Variants in NEAT1 observed in about 807,000 individuals in gnomAD.
The protein encoded by NEAT1 is nuclear paraspeckle assembly transcript 1, also known as MENepsilon/beta.
At chr11:65,438,273 G>A (rs1483852534) in exon 1 of NEAT1, 1 of 152,108 alleles carries the variant, frequency 6.6e-6, no homozygotes, top group African/African-American at 2.4e-5. Context: ...AGGGTGACTT[G>A]CTAATAGACA....
chr11:65,429,990 T>C (rs1856600186), exon 1 of NEAT1: 1 of 152,326 alleles, frequency 6.6e-6, no homozygotes, highest in African/African-American at 2.4e-5. Flanking sequence ...GGGCCCCTGG[T>C]TGTTGCTTGT....
chr11:65,444,086 G>A, exon 1 of NEAT1: 1 of 228,656 alleles, frequency 4.4e-6, no homozygotes. Flanking sequence ...ACCATAGTGT[G>A]TTTGGAGGCT....
At chr11:65,424,200 G>C (rs1856536952) in exon 1 of NEAT1, 1 of 152,236 alleles carries the variant, frequency 6.6e-6, no homozygotes, top group Admixed American at 6.5e-5. Flanking sequence ...CTTATGGGGG[G>C]CAATCTTAAA....
At chr11:65,439,959 C>G (rs1414546123) in exon 1 of NEAT1, 1 of 151,904 alleles carries the variant, frequency 6.6e-6, no homozygotes, top group Non-Finnish European at 1.5e-5. Context: ...CTAGATTGTT[C>G]AGAAGTTTTA....
At chr11:65,429,619 A>AT (rs1156245340) in exon 1 of NEAT1, 3 of 151,924 alleles carry the variant, frequency 2.0e-5, no homozygotes, top group African/African-American at 7.3e-5. Flanking sequence ...TGATGCAAAT[A>AT]TTTTTTTCCA....
chr11:65,436,624 G>C (rs1381181330), exon 1 of NEAT1: 1 of 152,248 alleles, frequency 6.6e-6, no homozygotes, highest in Non-Finnish European at 1.5e-5. Flanking sequence ...ACACCACACA[G>C]CCTGTCTTGC....
exon 1 of NEAT1, chr11:65,442,412 A>G: frequency 6.6e-6 from 1 of 151,444 alleles, no homozygotes; most frequent in South Asian, 2.1e-4. Context: ...GAAGGACAGC[A>G]TTCCTGTCTG....
rs954362637 is a variant in NEAT1, at chr11:65,444,645, G to C, written n.21848G>C. 7.0e-5 allele frequency: 28 copies of C among 402,250 alleles called. No homozygotes were observed. The East Asian group carries it at 2.1e-3, about 30-fold the overall frequency. 24.9% of individuals were successfully genotyped at this position (402,250 alleles called of 1,614,324 possible). A position where few individuals can be genotyped will look rare whatever the true frequency, so the allele number is the denominator to read the frequency against. On this transcript the variant is annotated non_coding_transcript_exon_variant, in exon 1 of 1. Transcript: ENST00000501122. ...AGCCTGAGCCAACAGCAGTGGTGCT[G>C]TGGACCGTGGATCCTGAGGGTGGCC...
At chr11:65,433,494 TTAA>T in exon 1 of NEAT1, 1 of 152,134 alleles carries the variant, frequency 6.6e-6, no homozygotes, top group Non-Finnish European at 1.5e-5. Context: ...TAATTGTTTT[TTAA>T]TAATGTGGTA....
rs567415492 is a variant in NEAT1, at chr11:65,431,479, C to G, written n.8682C>G. ...TTTCTATTTTTAATTTATTGAGGAA[C>G]CACTGTAGTTTTTCATAGCAACTGC... On this transcript the variant is annotated non_coding_transcript_exon_variant, in exon 1 of 1. Transcript: ENST00000501122. 3.9e-5 allele frequency: 6 copies of G among 152,188 alleles called. No homozygotes were observed. The South Asian group carries it at 1.2e-3, about 32-fold the overall frequency. The allele number at this position is 152,188 out of a possible 1,614,324, so 9.4% of individuals were successfully genotyped here.
chr11:65,428,565 A>G (rs185663187), exon 1 of NEAT1: 1 of 152,304 alleles, frequency 6.6e-6, no homozygotes, highest in East Asian at 1.9e-4. Context: ...TACAGATACG[A>G]TATGTTTTAA....
exon 1 of NEAT1, chr11:65,436,815 G>A (rs1856661744): frequency 6.6e-6 from 1 of 152,140 alleles, no homozygotes; most frequent in Non-Finnish European, 1.5e-5. Context: ...GCATATCTGT[G>A]TACATGGGTT....
exon 1 of NEAT1, chr11:65,438,765 T>C (rs1856688385): frequency 6.6e-6 from 1 of 152,236 alleles, no homozygotes. Context: ...ACTGTATGGA[T>C]AGACCCCATT....
chr11:65,437,199 A>G (rs1198558464), exon 1 of NEAT1: 1 of 139,636 alleles, frequency 7.2e-6, no homozygotes, highest in African/African-American at 2.9e-5. Context: ...ATATATGTAT[A>G]TATATATATA....
chr11:65,438,593 C>T (rs1314214801), exon 1 of NEAT1: 1 of 152,206 alleles, frequency 6.6e-6, no homozygotes, highest in Non-Finnish European at 1.5e-5. Context: ...GTTGTGCTCT[C>T]TGTCTGTGTG....
At chr11:65,428,528 C>G (rs1856583725) in exon 1 of NEAT1, 2 of 152,110 alleles carry the variant, frequency 1.3e-5, no homozygotes, top group African/African-American at 4.8e-5. Context: ...GCAGTGCGGG[C>G]ATGAAATGAA....
chr11:65,433,359 G>C (rs1356397630), exon 1 of NEAT1: 4 of 152,106 alleles, frequency 2.6e-5, no homozygotes, highest in Non-Finnish European at 1.5e-5. Context: ...GGTAAATGGA[G>C]GCTAGAACAC....
At chr11:65,430,248 C>G (rs1159333970) in exon 1 of NEAT1, 1 of 152,370 alleles carries the variant, frequency 6.6e-6, no homozygotes, top group African/African-American at 2.4e-5. Context: ...TGCCTAGCGT[C>G]AGGTCTAGCC....
chr11:65,429,232 GAAAT>G (rs949669434), exon 1 of NEAT1: 2 of 152,102 alleles, frequency 1.3e-5, no homozygotes, highest in Admixed American at 6.5e-5. Context: ...TTTCGAGAAG[GAAAT>G]GACTGTTAAA....
Sources: allele counts gnomAD v4.1 joint callset, GRCh38; gene constraint gnomAD v4.1.1; transcripts MANE v1.5; gene names NCBI Gene and HGNC (gene_info 2026-07-23, HGNC 2026-07-21).